The following TDRD12 variants were observed in gnomAD, a reference collection of about 807,000 sequenced individuals.
TDRD12 encodes tudor domain containing 12, also known as putative ATP-dependent RNA helicase TDRD12.
A neutral mutation model predicts 133.5 loss-of-function variants in TDRD12; 158 were observed. The ratio of observed to expected loss-of-function variants is 1.18; its 90% CI spans 1.04 to 1.35. The LOEUF (loss-of-function observed/expected upper bound fraction) is 1.35. TDRD12 is among the 40% of genes most tolerant of loss of function. The pLI, the probability that TDRD12 is intolerant of heterozygous loss-of-function variation, is 0.00. For synonymous variants in TDRD12, 460 were observed against 477.9 expected, an observed-to-expected ratio of 0.96 and a Z score of 0.49; for missense variants, 1,443 against 1,321.3, an observed-to-expected ratio of 1.09 and a Z score of -1.43.
rs1379356138 is a variant in TDRD12 at position 32,790,598 on chromosome 19, C to T, written c.1182+7C>T. 5.8e-6 allele frequency: 9 copies of T among 1,551,774 alleles called. No individual in the cohort carries two copies. In the Admixed American group the frequency reaches 1.2e-4, roughly 20 times the overall value. On this transcript the variant is annotated splice_region_variant and intron_variant, in intron 12 of 27. Coordinates refer to ENST00000444215, the Ensembl canonical transcript of TDRD12. Reference sequence around the variant, plus strand: ...AATCTCTGATCTCCAGCAGGTATTACAGGCCCTAAAAAAAGTAAAATAAAA... The same window carrying T: ...AATCTCTGATCTCCAGCAGGTATTATAGGCCCTAAAAAAAGTAAAATAAAA...
At chr19:32,778,435 C>A (rs1970671032) in intron 11 of TDRD12, among the ~76,000 whole-genome samples, 1 of 151,600 alleles carries the variant, frequency 6.6e-6, no homozygotes, top group Non-Finnish European at 1.5e-5. Context: ...TTATTTCTTT[C>A]TTTTATTATT....
At chr19:32,798,018 A>G in intron 15 of TDRD12, 127 bp downstream of exon 15, 1 of 594,358 alleles carries the variant, frequency 1.7e-6, no homozygotes, top group East Asian at 2.8e-5. Context: ...ACACACTCAC[A>G]GTCACTAGTC....
chr19:32,810,133 G>A (rs1430295795), exon 23 of TDRD12: 1 of 1,530,110 alleles, frequency 6.5e-7, no homozygotes, highest in Admixed American at 2.0e-5. Context: ...AATTACTTTG[G>A]CCGTATAGTT....
intron 27 of TDRD12, among the ~76,000 whole-genome samples, chr19:32,820,822 C>T (rs1324506909): frequency 6.6e-6 from 1 of 152,150 alleles, no homozygotes. Flanking sequence ...TGCCTGGTCC[C>T]ATGTCAGTCA....
In TDRD12 at chr19:32,813,423, G is replaced by A. The variant is rs1352239024; in HGVS notation, c.3049-261G>A. Among the ~76,000 whole-genome samples the A allele has an allele frequency of 3.3e-5, 5 of 152,244 alleles. No homozygotes were observed. In the East Asian group the frequency reaches 9.7e-4, roughly 30 times the overall value. ...TCCACAGAAGAAAATGTACAGTGTT[G>A]GGTCCCAAAGGCACAGACCCCCGCC... is the stretch of plus-strand genomic sequence containing the variant. On this transcript the variant is annotated intron_variant, in intron 24 of 27. Transcript: ENST00000444215.
intron 4 of TDRD12, among the ~76,000 whole-genome samples, chr19:32,744,592 G>A (rs968509733): frequency 1.4e-5 from 2 of 144,962 alleles, no homozygotes; most frequent in African/African-American, 2.6e-5. Flanking sequence ...CGTGTGCCCC[G>A]CACCCCATCT....
At chr19:32,780,693 C>T (rs1970737367) in intron 11 of TDRD12, among the ~76,000 whole-genome samples, 1 of 152,160 alleles carries the variant, frequency 6.6e-6, no homozygotes, top group Non-Finnish European at 1.5e-5. Context: ...CAGGTGAGTG[C>T]TGCGGAGCTC....
At position 32,798,176 on chromosome 19, in the gene TDRD12, G is replaced by A. The variant is rs567693951; in HGVS notation, c.1631-132G>A. ...TGTTTGTTAGATGCTGGGCATATGG[G>A]GTTGACTAGGACAGAAACAGTGTTT... On this transcript the variant is annotated intron_variant, in intron 15 of 27. Transcript: ENST00000444215. 70 of 802,882 alleles carry A rather than the reference G, an allele frequency of 8.7e-5. No individual in the cohort carries two copies. In the South Asian group the frequency reaches 1.2e-3, roughly 14 times the overall value. The allele number at this position is 802,882 out of a possible 1,614,324, so 49.7% of individuals were successfully genotyped here. A position where few individuals can be genotyped will look rare whatever the true frequency, so the allele number is the denominator to read the frequency against.
chr19:32,731,968 C>G (rs1969070938), intron 2 of TDRD12, 85 bp downstream of exon 2: 1 of 1,346,394 alleles, frequency 7.4e-7, no homozygotes, highest in Non-Finnish European at 9.9e-7. Context: ...ATGATTCAAG[C>G]TTTTAGAGTA....
chr19:32,795,751 A>G (rs1439287754), intron 14 of TDRD12, among the ~76,000 whole-genome samples: 1 of 152,212 alleles, frequency 6.6e-6, no homozygotes, highest in Admixed American at 6.5e-5. Flanking sequence ...CGGAAGCATG[A>G]TGCTGGCATC....
chr19:32,745,455 G>C lies in TDRD12; in HGVS notation c.440+2555G>C, dbSNP rs533197364. On this transcript the variant is annotated intron_variant, in intron 4 of 27. Coordinates refer to ENST00000444215, the Ensembl canonical transcript of TDRD12. ...GTCAAATTCCCCTTCAAAAAGACTA[G>C]CAATTTATACTGCCATCATTGGGGT... Among the ~76,000 whole-genome samples, 50 of 152,284 alleles carry C rather than the reference G, an allele frequency of 3.3e-4. 2 individuals carry two copies. In the South Asian group the frequency reaches 0.01, roughly 32 times the overall value.
At chr19:32,818,198 G>A (rs894894552) in intron 27 of TDRD12, 41 bp downstream of exon 27, 1 of 687,636 alleles carries the variant, frequency 1.5e-6, no homozygotes, top group Non-Finnish European at 2.6e-6. Context: ...AGAATGCCAG[G>A]GACAGGGGGC....
chr19:32,822,111 A>T (rs528992014), downstream of TDRD12, among the ~76,000 whole-genome samples: 2 of 152,170 alleles, frequency 1.3e-5, no homozygotes, highest in Non-Finnish European at 1.5e-5. Context: ...ACAGATTGAG[A>T]CTATAAAAAA....
chr19:32,773,677 G>T, intron 10 of TDRD12, 145 bp downstream of exon 10: 1 of 599,742 alleles, frequency 1.7e-6, no homozygotes. Context: ...CAGCCTGGGT[G>T]ACAGAGTGAG....
downstream of TDRD12, among the ~76,000 whole-genome samples, chr19:32,823,239 T>A (rs1412219441): frequency 6.6e-6 from 1 of 151,080 alleles, no homozygotes; most frequent in African/African-American, 2.5e-5. Flanking sequence ...GGATGGAGAG[T>A]GTGGGAGGAG....
chr19:32,811,416 C>G, exon 24 of TDRD12: 2 of 1,535,842 alleles, frequency 1.3e-6, no homozygotes, highest in Non-Finnish European at 1.7e-6. Flanking sequence ...GAATGGAATC[C>G]GAAGGTGGGT....
intron 16 of TDRD12, among the ~76,000 whole-genome samples, 190 bp from the exon 17 acceptor site, chr19:32,799,977 G>A (rs966791628): frequency 1.3e-5 from 2 of 151,352 alleles, no homozygotes; most frequent in Non-Finnish European, 2.9e-5. Context: ...CTCATGATCC[G>A]CCTGCCTCAG....
At chr19:32,729,790 T>C (rs1213498302) in intron 1 of TDRD12, among the ~76,000 whole-genome samples, 6 of 122,496 alleles carry the variant, frequency 4.9e-5, no homozygotes, top group Non-Finnish European at 8.4e-5. Flanking sequence ...TTTTTTTTTT[T>C]TTTTTTTTTT....
At chr19:32,734,324 C>T (rs1023926468) in intron 2 of TDRD12, among the ~76,000 whole-genome samples, 8 of 151,392 alleles carry the variant, frequency 5.3e-5, no homozygotes, top group African/African-American at 1.5e-4. Flanking sequence ...TTTTTGGTGT[C>T]GAGAGGGTGG....
Sources: gnomAD v4.1 joint callset for allele counts (sites outside exome capture counted in the v4.1 genomes callset) on GRCh38, gnomAD v4.1.1 for gene constraint, MANE v1.5 for transcripts, NCBI Gene and HGNC (gene_info 2026-07-23, HGNC 2026-07-21) for gene names.